Variants in FBXO34 observed in about 807,000 individuals in gnomAD.
FBXO34 encodes F-box protein 34.
FBXO34 carries 12 observed loss-of-function variants against 24.5 expected under a neutral mutation model. That is an observed-to-expected ratio of 0.49 (90% CI 0.31 to 0.79). The LOEUF (loss-of-function observed/expected upper bound fraction) is 0.79. FBXO34 is among the 30% of genes least tolerant of loss of function. The pLI, the probability that FBXO34 is intolerant of heterozygous loss-of-function variation, is 0.04. For synonymous variants in FBXO34, 320 were observed against 311.9 expected (o/e 1.03, Z -0.27); for missense variants, 823 against 857.7 (o/e 0.96, Z 0.51).
rs368606167 is a variant in FBXO34, at chr14:55,351,769, T to C, written c.1379T>C (p.Val460Ala). 46 of 1,614,114 alleles carry C rather than the reference T, an allele frequency of 2.8e-5. No homozygotes were observed. The highest frequency in any genetic ancestry group is 3.7e-5 in the Non-Finnish European group (44 of 1,180,042). Residue 460 changes from valine to alanine, a missense_variant, in exon 2 of 2, where the codon GTG becomes GCG. By Grantham distance (64) the Val-to-Ala change is moderately conservative. Around this residue, in one of 2 missense-constraint regions of FBXO34, gnomAD observed 693 missense variants for 659.1 expected, o/e 1.05. Coordinates refer to ENST00000313833, the MANE Select transcript of FBXO34 (RefSeq NM_017943.4). ...RKESLCISIT[V>A]SKVDKDQPSI... The stretch of plus-strand genomic sequence containing the variant: ...GAATCTTTGTGCATTAGTATCACTG[T>C]GTCCAAGGTAGACAAAGACCAGCCT...
chr14:55,378,127 G>A, the FBXO34 span: 5 of 1,497,776 alleles, frequency 3.3e-6, no homozygotes, highest in Non-Finnish European at 4.6e-6. Flanking sequence ...GAAATTCTAT[G>A]TTAAAATTTC....
chr14:55,415,707 A>C, the FBXO34 span, among the ~76,000 whole-genome samples: 17 of 152,300 alleles, frequency 1.1e-4, no homozygotes, highest in African/African-American at 3.8e-4. Flanking sequence ...CTCTACTAAA[A>C]ATACAAAAGA....
chr14:55,301,765 G>C (rs1252455727), intron 1 of FBXO34, among the ~76,000 whole-genome samples: 3 of 152,198 alleles, frequency 2.0e-5, no homozygotes. Context: ...TCAAGAACAA[G>C]TCTGTCAGAG....
the FBXO34 span, among the ~76,000 whole-genome samples, chr14:55,400,023 T>C: frequency 6.6e-6 from 1 of 152,348 alleles, no homozygotes; most frequent in South Asian, 2.1e-4. Flanking sequence ...AAACAGCAAT[T>C]ACTTTTGCAC....
At chr14:55,420,828 G>T in the FBXO34 span, among the ~76,000 whole-genome samples, 6 of 152,110 alleles carry the variant, frequency 3.9e-5, no homozygotes, top group Non-Finnish European at 8.8e-5. Context: ...GGGTGGCCGA[G>T]GCGGGTGGAT....
chr14:55,318,197 A>G (rs983299961), intron 1 of FBXO34: 5 of 151,778 alleles, frequency 3.3e-5, no homozygotes, highest in Non-Finnish European at 5.9e-5. Context: ...TTGGGGAAGG[A>G]TCAACAAAGA....
At chr14:55,321,024 A>C (rs1160036182) in intron 1 of FBXO34, among the ~76,000 whole-genome samples, 1 of 152,034 alleles carries the variant, frequency 6.6e-6, no homozygotes, top group African/African-American at 2.4e-5. Context: ...AAAACCAAAA[A>C]ATAAACAGTG....
chr14:55,392,003 C>T, the FBXO34 span, among the ~76,000 whole-genome samples: 8 of 152,194 alleles, frequency 5.3e-5, no homozygotes, highest in East Asian at 1.5e-3. Context: ...AGCAGTGGTC[C>T]CCAACTTTTT....
In FBXO34 at chr14:55,352,467, A is replaced by C; in HGVS notation, c.2077A>C (p.Ser693Arg). The C allele has an allele frequency of 6.2e-7, 1 of 1,614,042 alleles. No individual in the cohort carries two copies. Among genetic ancestry groups the C allele is most frequent in the Non-Finnish European group, 8.5e-7 (1 of 1,179,936 alleles). The change falls in exon 2 of 2, where the codon AGC (serine) becomes CGC (arginine). Residue 693 changes from serine to arginine, a missense_variant. By Grantham distance (110) the Ser-to-Arg change is moderately radical. Around this residue, in one of 2 missense-constraint regions of FBXO34, gnomAD observed 130 missense variants for 198.6 expected, o/e 0.65. Coordinates refer to ENST00000313833, the MANE Select transcript of FBXO34 (RefSeq NM_017943.4). ...HDNHWVPACH[S>R]FNRAIHKKAK... is the part of the protein sequence containing the mutation. The stretch of plus-strand genomic sequence containing the variant: ...CAATCACTGGGTTCCTGCCTGCCAC[A>C]GCTTTAATCGGGCAATCCATAAGAA...
chr14:55,291,041 C>T (rs1249778776), intron 1 of FBXO34, among the ~76,000 whole-genome samples: 2 of 151,808 alleles, frequency 1.3e-5, no homozygotes, highest in Non-Finnish European at 2.9e-5. Context: ...TGGCCATGCT[C>T]GTCTTGAACT....
chr14:55,412,223 G>A, the FBXO34 span, among the ~76,000 whole-genome samples: 2 of 152,196 alleles, frequency 1.3e-5, no homozygotes, highest in African/African-American at 2.4e-5. Context: ...ACAAAGTAGG[G>A]TGAAGGGGCT....
At chr14:55,382,809 A>G in the FBXO34 span, among the ~76,000 whole-genome samples, 19 of 152,204 alleles carry the variant, frequency 1.2e-4, no homozygotes, top group Non-Finnish European at 5.9e-5. Flanking sequence ...ACACCTCTCT[A>G]CGTGTTTAAA....
chr14:55,393,548 A>ATT, the FBXO34 span, among the ~76,000 whole-genome samples: 126 of 142,918 alleles, frequency 8.8e-4, no homozygotes, highest in African/African-American at 3.1e-3. Flanking sequence ...ATCTTTTCAG[A>ATT]TTTTTTTTTT....
At chr14:55,319,613 G>A (rs1883057219) in intron 1 of FBXO34, among the ~76,000 whole-genome samples, 1 of 152,160 alleles carries the variant, frequency 6.6e-6, no homozygotes, top group Admixed American at 6.6e-5. Flanking sequence ...ATTAGTCCAG[G>A]TTTTTTCATG....
Position 55,338,052 on chromosome 14 carries a change from T to TTTTTTTTC in FBXO34, c.-10-12322_-10-12321insCTTTTTTT. 1.7e-5 allele frequency among the ~76,000 whole-genome samples: 2 copies of TTTTTTTTC among 119,436 alleles called. 1 individual carries two copies. Among genetic ancestry groups the TTTTTTTTC allele is most frequent in the Non-Finnish European group, 3.4e-5 (2 of 59,388 alleles). The allele number at this position is 119,436 out of a possible 152,430, so 78.4% of individuals were successfully genotyped here. On this transcript the variant is annotated intron_variant, in intron 1 of 1. Transcript: ENST00000313833. ...TGGAGATAAGAGTATGTACTTCTTT[T>TTTTTTTTC]TTTTTTTTTTTTTTTGAGATGGAGT... is the stretch of plus-strand genomic sequence containing the variant.
downstream of FBXO34, among the ~76,000 whole-genome samples, chr14:55,372,267 C>T (rs1051603472): frequency 2.6e-5 from 4 of 151,282 alleles, no homozygotes; most frequent in African/African-American, 9.7e-5. Flanking sequence ...TCACCCTGGC[C>T]CAGGTCCTCA....
chr14:55,365,428 C>T (rs1389866958), downstream of FBXO34, among the ~76,000 whole-genome samples: 1 of 152,046 alleles, frequency 6.6e-6, no homozygotes, highest in Non-Finnish European at 1.5e-5. Context: ...TATTTTCTTA[C>T]CAAGTCGGCT....
intron 1 of FBXO34, among the ~76,000 whole-genome samples, chr14:55,334,967 G>A (rs1462285768): frequency 6.6e-6 from 1 of 152,164 alleles, no homozygotes; most frequent in Non-Finnish European, 1.5e-5. Context: ...GGGATTTGGG[G>A]AATAGGGTTT....
At chr14:55,439,183 C>T in the FBXO34 span, among the ~76,000 whole-genome samples, 5 of 151,046 alleles carry the variant, frequency 3.3e-5, no homozygotes, top group Admixed American at 6.6e-5. Flanking sequence ...AAATGAGCCA[C>T]GTGCCTCGGC....
Sources: allele counts gnomAD v4.1 joint callset (sites outside exome capture counted in the v4.1 genomes callset), GRCh38; gene constraint gnomAD v4.1.1; regional missense constraint gnomAD v4.1.1; transcripts MANE v1.5; gene names NCBI Gene and HGNC (gene_info 2026-07-23, HGNC 2026-07-21).